EPHA6: variants seen among roughly 807,000 people sequenced by gnomAD.
The protein encoded by EPHA6 is ephrin type-A receptor 6.
EPHA6 carries 50 observed loss-of-function variants against 112.0 expected under a neutral mutation model. The observed-to-expected ratio is 0.45, with a 90% confidence interval of 0.36 to 0.56. EPHA6 has a LOEUF of 0.56. EPHA6 is among the 20% of genes least tolerant of loss of function. The pLI is 0.00. For missense variants in EPHA6, 1,280 were observed against 1,417.4 expected (o/e 0.90, Z 1.56); for synonymous variants, 529 against 490.7 (o/e 1.08, Z -1.03).
chr3:97,748,751 G>T lies in EPHA6; in HGVS notation c.*50G>T, dbSNP rs370081210. The T allele has an allele frequency of 6.4e-6, 6 of 939,364 alleles. No homozygotes were observed. Among genetic ancestry groups the T allele is most frequent in the African/African-American group, 1.6e-5 (1 of 61,804 alleles). 58.2% of individuals were successfully genotyped at this position (939,364 alleles called of 1,614,324 possible). ...GTGCCTCAGCATTTCTAAAATGAAC[G>T]ATATCCTCTCTACTACTCTCTCTTC... On this transcript the variant is annotated 3_prime_UTR_variant, in exon 18 of 18. Coordinates refer to ENST00000389672, the MANE Select transcript of EPHA6 (RefSeq NM_001080448.3).
chr3:97,196,673 T>C (rs2077450254), intron 3 of EPHA6, among the ~76,000 whole-genome samples: 1 of 151,890 alleles, frequency 6.6e-6, no homozygotes, highest in Non-Finnish European at 1.5e-5. Flanking sequence ...TCTTTGGTAC[T>C]GCAGCCATAT....
At chr3:97,521,962 TC>T (rs1329100227) in intron 10 of EPHA6, among the ~76,000 whole-genome samples, 12 of 151,194 alleles carry the variant, frequency 7.9e-5, no homozygotes, top group African/African-American at 2.9e-4. Flanking sequence ...TTTGCTCTGT[TC>T]CCTGGTCTGG....
chr3:97,492,607 T>G (rs9868800), intron 10 of EPHA6, among the ~76,000 whole-genome samples: 7,748 of 114,884 alleles, frequency 0.067, 1,039 homozygotes, highest in African/African-American at 0.24. Context: ...GTGGATAATG[T>G]AGCATCTCAG....
chr3:97,255,172 G>GTGTA (rs2079269077), intron 5 of EPHA6, among the ~76,000 whole-genome samples: 1 of 150,742 alleles, frequency 6.6e-6, no homozygotes, highest in Admixed American at 6.6e-5. Context: ...GTGTGTGTGT[G>GTGTA]TGTGTGTGTT....
chr3:96,942,303 C>A (rs1032591936), intron 2 of EPHA6, among the ~76,000 whole-genome samples: 19 of 152,184 alleles, frequency 1.2e-4, no homozygotes, highest in African/African-American at 4.6e-4. Flanking sequence ...CCTAAGCAAG[C>A]CTTAGCAATG....
At chr3:97,378,085 A>G (rs2085474946) in intron 5 of EPHA6, among the ~76,000 whole-genome samples, 1 of 152,096 alleles carries the variant, frequency 6.6e-6, no homozygotes, top group Non-Finnish European at 1.5e-5. Flanking sequence ...AGACTTGGAG[A>G]TCTAGAAGGA....
intron 5 of EPHA6, among the ~76,000 whole-genome samples, chr3:97,370,550 A>G (rs1162870407): frequency 1.3e-5 from 2 of 152,210 alleles, no homozygotes; most frequent in Non-Finnish European, 2.9e-5. Context: ...GTTAGACAAT[A>G]TTCATTAAAT....
intron 5 of EPHA6, among the ~76,000 whole-genome samples, chr3:97,302,462 CT>C (rs890162247): frequency 2.7e-5 from 4 of 150,288 alleles, no homozygotes; most frequent in Non-Finnish European, 4.4e-5. Flanking sequence ...GGCAATGATA[CT>C]TTTAACCTCA....
intron 10 of EPHA6, among the ~76,000 whole-genome samples, chr3:97,505,913 G>C (rs1271524736): frequency 6.6e-6 from 1 of 152,204 alleles, no homozygotes; most frequent in African/African-American, 2.4e-5. Flanking sequence ...TTGTGGTTTT[G>C]ATTTGCATTT....
intron 3 of EPHA6, among the ~76,000 whole-genome samples, chr3:97,057,949 A>G (rs1436076901): frequency 6.6e-6 from 1 of 152,094 alleles, no homozygotes; most frequent in Admixed American, 6.5e-5. Context: ...TGGGCCTATT[A>G]TATGTTGCAT....
At chr3:96,989,917 T>G (rs1486804749) in intron 3 of EPHA6, among the ~76,000 whole-genome samples, 1 of 151,954 alleles carries the variant, frequency 6.6e-6, no homozygotes, top group Non-Finnish European at 1.5e-5. Flanking sequence ...AAAGAAAAAT[T>G]TATACATATG....
At chr3:97,253,605 T>C (rs2079207997) in intron 5 of EPHA6, among the ~76,000 whole-genome samples, 1 of 152,180 alleles carries the variant, frequency 6.6e-6, no homozygotes, top group African/African-American at 2.4e-5. Context: ...TAATCTTTTA[T>C]TAAAGCAAGT....
At chr3:97,388,697 T>C (rs1263725937) in intron 5 of EPHA6, among the ~76,000 whole-genome samples, 3 of 152,272 alleles carry the variant, frequency 2.0e-5, no homozygotes, top group Non-Finnish European at 4.4e-5. Context: ...GACAGCTGAA[T>C]TCTTTGGAAA....
At chr3:97,127,082 C>A (rs2048202702) in intron 3 of EPHA6, among the ~76,000 whole-genome samples, 1 of 151,932 alleles carries the variant, frequency 6.6e-6, no homozygotes, top group Non-Finnish European at 1.5e-5. Flanking sequence ...CATACAAATT[C>A]ATTTAATAAG....
At chr3:97,096,076 AT>A (rs1256812827) in intron 3 of EPHA6, among the ~76,000 whole-genome samples, 2 of 151,972 alleles carry the variant, frequency 1.3e-5, no homozygotes, top group Non-Finnish European at 2.9e-5. Flanking sequence ...ATTCATTCAT[AT>A]TGATTAAGTC....
At chr3:97,472,817 CA>C in intron 7 of EPHA6, among the ~76,000 whole-genome samples, 1 of 151,842 alleles carries the variant, frequency 6.6e-6, no homozygotes, top group Non-Finnish European at 1.5e-5. Flanking sequence ...GTAGGGTAAC[CA>C]AAACCGCTAG....
intron 3 of EPHA6, among the ~76,000 whole-genome samples, chr3:97,089,882 G>A (rs1008270098): frequency 6.6e-6 from 1 of 152,028 alleles, no homozygotes; most frequent in Non-Finnish European, 1.5e-5. Flanking sequence ...CTGATGTGAT[G>A]CTGGTTTAAT....
In EPHA6 at chr3:97,761,289, A is replaced by G. The variant is rs1015900529; in HGVS notation, c.*12588A>G. 1.4e-4 allele frequency: 28 copies of G among 195,754 alleles called. No homozygotes were observed. The highest frequency in any genetic ancestry group is 1.8e-4 in the Admixed American group (3 of 16,458). The allele number at this position is 195,754 out of a possible 1,614,324, so 12.1% of individuals were successfully genotyped here. ...AGTGTTATAGAATGCTCAGCTCTCA[A>G]TATGAGGGGTTGTTTGTGGTGAATT... is the stretch of plus-strand genomic sequence containing the variant. On this transcript the variant is annotated 3_prime_UTR_variant, in exon 18 of 18. Transcript: ENST00000389672.
At chr3:97,344,580 A>C (rs2108871191) in intron 5 of EPHA6, among the ~76,000 whole-genome samples, 1 of 152,184 alleles carries the variant, frequency 6.6e-6, no homozygotes, top group East Asian at 1.9e-4. Context: ...CAATGCCTTG[A>C]CCTCAGACTT....
Sources: allele counts gnomAD v4.1 joint callset (sites outside exome capture counted in the v4.1 genomes callset), GRCh38; gene constraint gnomAD v4.1.1; transcripts MANE v1.5; gene names NCBI Gene and HGNC (gene_info 2026-07-23, HGNC 2026-07-21).